Variants in PPFIA2 observed in about 807,000 individuals in gnomAD.
PPFIA2 encodes the protein PPFI scaffold protein A2, also known as liprin-alpha-2.
A neutral mutation model predicts 175.5 loss-of-function variants in PPFIA2; 46 were observed. The observed-to-expected ratio is 0.26, with a 90% confidence interval of 0.21 to 0.34. The LOEUF is 0.34. PPFIA2 is among the 10% of genes least tolerant of loss of function. The probability of loss-of-function intolerance (pLI) is 1.00; values close to 1 mark genes in which losing one functional copy is unlikely to be tolerated. For synonymous variants in PPFIA2, 568 were observed against 511.4 expected, an observed-to-expected ratio of 1.11 and a Z score of -1.49; for missense variants, 1,179 against 1,506.1, an observed-to-expected ratio of 0.78 and a Z score of 3.60.
intron 3 of PPFIA2, among the ~76,000 whole-genome samples, chr12:81,681,384 T>C (rs1271978670): frequency 6.6e-6 from 1 of 151,978 alleles, no homozygotes; most frequent in Non-Finnish European, 1.5e-5. Flanking sequence ...GTTCCTGGCA[T>C]GAAAACCCAG....
chr12:81,671,444 CAAAA>C (rs955164076), intron 4 of PPFIA2, among the ~76,000 whole-genome samples: 1 of 150,194 alleles, frequency 6.7e-6, no homozygotes, highest in African/African-American at 2.4e-5. Flanking sequence ...GGGAGACAGA[CAAAA>C]AAAAAGTCAC....
chr12:81,739,901 A>G (rs904773007), intron 3 of PPFIA2, among the ~76,000 whole-genome samples: 6 of 152,120 alleles, frequency 3.9e-5, no homozygotes, highest in African/African-American at 1.4e-4. Context: ...CAAAACAGAA[A>G]CCTTCTTCTG....
intron 2 of PPFIA2, among the ~76,000 whole-genome samples, chr12:81,757,446 TTGA>T (rs1167956717): frequency 6.6e-6 from 1 of 152,238 alleles, no homozygotes; most frequent in Non-Finnish European, 1.5e-5. Flanking sequence ...CATCTAGATA[TTGA>T]TGCTTTCCTC....
chr12:81,613,084 T>C (rs1030732418), intron 4 of PPFIA2, among the ~76,000 whole-genome samples: 2 of 152,208 alleles, frequency 1.3e-5, no homozygotes, highest in Admixed American at 1.3e-4. Context: ...TTAGAAGAAC[T>C]CTAATATTAT....
chr12:81,594,065 T>C (rs529102900), intron 4 of PPFIA2, among the ~76,000 whole-genome samples: 1 of 152,178 alleles, frequency 6.6e-6, no homozygotes, highest in South Asian at 2.1e-4. Context: ...AACCCTATCG[T>C]GAACTGTGCT....
At position 81,693,337 on chromosome 12, in the gene PPFIA2, T is replaced by C. The variant is rs117041556; in HGVS notation, c.250-16493A>G. 2.3e-3 allele frequency among the ~76,000 whole-genome samples: 347 copies of C among 152,154 alleles called. 1 individual carries two copies. The highest frequency in any genetic ancestry group is 3.3e-3 in the Non-Finnish European group (224 of 67,980). The stretch of plus-strand genomic sequence containing the variant: ...CCCTCATAACTCGGTGATGTCTTGG[T>C]AATAGTGAGTTCTCATGAGATCTGC... On this transcript the variant is annotated intron_variant, in intron 3 of 32. Transcript: ENST00000549396.
At chr12:81,490,384 T>C (rs1263615481) in intron 4 of PPFIA2, among the ~76,000 whole-genome samples, 1 of 151,936 alleles carries the variant, frequency 6.6e-6, no homozygotes, top group Non-Finnish European at 1.5e-5. Flanking sequence ...GAGAAATGCA[T>C]GCAGGCTGTC....
intron 4 of PPFIA2, among the ~76,000 whole-genome samples, chr12:81,665,628 A>G (rs978066667): frequency 2.0e-5 from 3 of 152,068 alleles, no homozygotes; most frequent in Non-Finnish European, 4.4e-5. Flanking sequence ...TTTGCCAGGC[A>G]GGTTTGGAGC....
At chr12:81,449,675 C>A (rs932865240) in intron 5 of PPFIA2, among the ~76,000 whole-genome samples, 1 of 151,970 alleles carries the variant, frequency 6.6e-6, no homozygotes, top group Admixed American at 6.6e-5. Flanking sequence ...TTCTAGGGTA[C>A]ATGTGCACAA....
chr12:81,404,701 C>G (rs979816734), intron 8 of PPFIA2, among the ~76,000 whole-genome samples: 43 of 152,170 alleles, frequency 2.8e-4, no homozygotes, highest in Admixed American at 7.2e-4. Context: ...AGAATTGAAG[C>G]TTCTTTCCGG....
intron 4 of PPFIA2, among the ~76,000 whole-genome samples, chr12:81,618,991 A>G (rs2061726747): frequency 6.6e-6 from 1 of 152,246 alleles, no homozygotes; most frequent in Admixed American, 6.5e-5. Flanking sequence ...TTTTAAAGTC[A>G]TTCTTAATTA....
chr12:81,721,614 T>A, intron 3 of PPFIA2, among the ~76,000 whole-genome samples: 1 of 151,314 alleles, frequency 6.6e-6, no homozygotes, highest in South Asian at 2.1e-4. Context: ...CTCACCCCTG[T>A]TCCACCACCT....
intron 22 of PPFIA2, among the ~76,000 whole-genome samples, chr12:81,310,898 A>G (rs1372365287): frequency 6.6e-6 from 1 of 152,202 alleles, no homozygotes; most frequent in Non-Finnish European, 1.5e-5. Context: ...AAGTAATATT[A>G]CAAAGTACAA....
chr12:81,355,895 CGTT>C (rs2060787094), intron 16 of PPFIA2, among the ~76,000 whole-genome samples: 2 of 152,278 alleles, frequency 1.3e-5, no homozygotes, highest in African/African-American at 4.8e-5. Flanking sequence ...ACCACTAAAA[CGTT>C]CTCCATAGCA....
chr12:81,344,776 G>T, intron 18 of PPFIA2, 83 bp from the exon 19 acceptor site: 1 of 950,052 alleles, frequency 1.1e-6, no homozygotes, highest in East Asian at 2.7e-5. Context: ...TTTAAATAGT[G>T]TCTACAACTT....
At chr12:81,389,837 A>T (rs2039775633) in intron 8 of PPFIA2, among the ~76,000 whole-genome samples, 1 of 152,062 alleles carries the variant, frequency 6.6e-6, no homozygotes, top group Non-Finnish European at 1.5e-5. Context: ...CTTTAAACAT[A>T]AAAAGTTCAG....
intron 4 of PPFIA2, among the ~76,000 whole-genome samples, chr12:81,581,052 CAG>C (rs1040159281): frequency 2.4e-4 from 37 of 151,256 alleles, no homozygotes; most frequent in African/African-American, 8.7e-4. Context: ...TCTGAAGAAA[CAG>C]TGAGATTTTA....
At chr12:81,724,470 C>A (rs116856350) in intron 3 of PPFIA2, among the ~76,000 whole-genome samples, 1,607 of 150,948 alleles carry the variant, frequency 0.011, 13 homozygotes, top group Non-Finnish European at 0.017. Flanking sequence ...CATCCCTCAA[C>A]CCCCTCCCAC....
intron 4 of PPFIA2, among the ~76,000 whole-genome samples, chr12:81,458,483 G>A (rs906252145): frequency 6.6e-6 from 1 of 152,010 alleles, no homozygotes; most frequent in Non-Finnish European, 1.5e-5. Flanking sequence ...ACTTGTTCAC[G>A]GTTACACCAC....
Sources: gnomAD v4.1 joint callset for allele counts (sites outside exome capture counted in the v4.1 genomes callset) on GRCh38, gnomAD v4.1.1 for gene constraint, MANE v1.5 for transcripts, NCBI Gene and HGNC (gene_info 2026-07-23, HGNC 2026-07-21) for gene names.